The following MTBP variants were observed in gnomAD, a reference collection of about 807,000 sequenced individuals.
The protein encoded by MTBP is MDM2 binding protein.
MTBP carries 101 observed loss-of-function variants against 117.0 expected under a neutral mutation model. The ratio of observed to expected loss-of-function variants is 0.86; its 90% CI spans 0.73 to 1.02. MTBP has a LOEUF of 1.02. Ranked by LOEUF, MTBP falls within the 50% of genes least tolerant of loss-of-function variation. The probability of loss-of-function intolerance (pLI) is 0.00; values close to 1 mark genes in which losing one functional copy is unlikely to be tolerated. For missense variants in MTBP, 970 were observed against 1,030.9 expected, an observed-to-expected ratio of 0.94 and a Z score of 0.81; for synonymous variants, 350 against 351.5, an observed-to-expected ratio of 1.00 and a Z score of 0.05.
At chr8:120,519,419 T>G (rs1814977509) in intron 20 of MTBP, among the ~76,000 whole-genome samples, 2 of 152,088 alleles carry the variant, frequency 1.3e-5, no homozygotes, top group Admixed American at 6.6e-5. Flanking sequence ...TAGTTTCTAA[T>G]TTTGGATCCA....
chr8:120,450,417 C>T (rs1813312756), intron 2 of MTBP, among the ~76,000 whole-genome samples: 1 of 152,130 alleles, frequency 6.6e-6, no homozygotes, highest in Non-Finnish European at 1.5e-5. Flanking sequence ...GCCTCAGTTA[C>T]CTTTCTTCTT....
chr8:120,482,667 A>G (rs1814110939), intron 11 of MTBP, among the ~76,000 whole-genome samples: 1 of 150,776 alleles, frequency 6.6e-6, no homozygotes. Context: ...TGAGTTATAC[A>G]CCTATTCAAC....
chr8:120,464,874 C>G (rs1813655970), intron 10 of MTBP, among the ~76,000 whole-genome samples: 1 of 151,748 alleles, frequency 6.6e-6, no homozygotes, highest in African/African-American at 2.4e-5. Context: ...ATTTCGGGAA[C>G]CCAGTAATGA....
rs751411748 is a variant in MTBP, at chr8:120,445,499, G to C, written c.29G>C (p.Trp10Ser). 1 of 1,613,288 alleles carries C rather than the reference G, an allele frequency of 6.2e-7. No individual in the cohort carries two copies. The highest frequency in any genetic ancestry group is 1.7e-5 in the Admixed American group (1 of 59,942). The change falls in exon 1 of 22, where the codon TGG becomes TCG. Residue 10 changes from tryptophan to serine, a missense_variant. Transcript: ENST00000305949. MDRYLLLVIWGEGKFPSAAS... is the reference protein window; with the variant it reads MDRYLLLVISGEGKFPSAAS... The stretch of plus-strand genomic sequence containing the variant: ...GATCGGTACCTGCTGCTGGTGATCT[G>C]GGGGGAAGGAAAATTCCCGTCGGCG...
intron 10 of MTBP, among the ~76,000 whole-genome samples, chr8:120,468,472 T>C (rs1353593419): frequency 6.6e-6 from 1 of 152,202 alleles, no homozygotes; most frequent in African/African-American, 2.4e-5. Flanking sequence ...TGGAAAGCGT[T>C]TTCTGCATCC....
At chr8:120,519,493 A>G (rs1439059154) in intron 20 of MTBP, among the ~76,000 whole-genome samples, 1 of 152,144 alleles carries the variant, frequency 6.6e-6, no homozygotes, top group Non-Finnish European at 1.5e-5. Flanking sequence ...TCTAAAACTT[A>G]GACAATGTTA....
chr8:120,518,090 AACACACAC>A lies in MTBP; in HGVS notation c.2487_2494del (p.His830AspfsTer8). 6.2e-7 allele frequency: 1 copy of A among 1,612,148 alleles called. No individual in the cohort carries two copies. The highest frequency in any genetic ancestry group is 8.5e-7 in the Non-Finnish European group (1 of 1,178,764). ...CAAATTAAGGAATCAAGATCACAGAAACACACACGGGTAAAGATTTATTTCCCATTTTT... is the reference window on the plus strand; with the variant it reads ...CAAATTAAGGAATCAAGATCACAGAAGGGTAAAGATTTATTTCCCATTTTT... On this transcript the variant is annotated frameshift_variant and splice_region_variant, in exon 19 of 22. Transcript: ENST00000305949. LOFTEE classifies it high-confidence loss of function.
At chr8:120,506,039 G>A (rs1288040715) in intron 15 of MTBP, among the ~76,000 whole-genome samples, 1 of 152,038 alleles carries the variant, frequency 6.6e-6, no homozygotes, top group Non-Finnish European at 1.5e-5. Flanking sequence ...CTTATTTTTA[G>A]TTATTATTTC....
At chr8:120,508,925 G>A (rs574662826) in intron 16 of MTBP, among the ~76,000 whole-genome samples, 1 of 152,278 alleles carries the variant, frequency 6.6e-6, no homozygotes, top group Admixed American at 6.5e-5. Flanking sequence ...TCTAATTGCA[G>A]TGACCCTCTT....
At chr8:120,509,292 A>G (rs925138891) in intron 16 of MTBP, among the ~76,000 whole-genome samples, 8 of 152,204 alleles carry the variant, frequency 5.3e-5, no homozygotes, top group Non-Finnish European at 1.2e-4. Context: ...CTACCAAGGA[A>G]AATCTTCCAG....
chr8:120,452,812 A>G (rs554147041), intron 4 of MTBP: 1 of 146,030 alleles, frequency 6.8e-6, no homozygotes, highest in African/African-American at 2.5e-5. Flanking sequence ...CCTGAGCGAC[A>G]GAGCAACACT....
intron 8 of MTBP, among the ~76,000 whole-genome samples, 173 bp downstream of exon 8, chr8:120,459,522 G>C (rs1013755811): frequency 6.6e-6 from 1 of 152,004 alleles, no homozygotes; most frequent in Non-Finnish European, 1.5e-5. Flanking sequence ...TTAAATTTTG[G>C]TGAAAGTGTC....
intron 9 of MTBP, among the ~76,000 whole-genome samples, chr8:120,461,792 A>C (rs1035635428): frequency 1.3e-5 from 2 of 152,194 alleles, no homozygotes; most frequent in African/African-American, 4.8e-5. Flanking sequence ...CCAGGAATAC[A>C]TCTCCATGAC....
chr8:120,479,768 G>A (rs1814033065), intron 11 of MTBP, among the ~76,000 whole-genome samples: 2 of 151,984 alleles, frequency 1.3e-5, no homozygotes, highest in African/African-American at 4.8e-5. Flanking sequence ...AATCAAAAAG[G>A]AAATTACAAA....
At position 120,516,022 on chromosome 8, in the gene MTBP, A is replaced by G. The variant is rs146676418; in HGVS notation, c.2077A>G (p.Arg693Gly). The change falls in exon 18 of 22, where the codon AGA (arginine) becomes GGA (glycine). Residue 693 changes from arginine (R) to glycine (G), a missense_variant. By Grantham distance (125) the Arg-to-Gly change is moderately radical. Coordinates refer to ENST00000305949, the MANE Select transcript of MTBP (RefSeq NM_022045.5). ...IRYETQTTCT[R>G]ESFPVPTVLS... ...TTATGAAACTCAAACTACCTGCACC[A>G]GAGAAAGTTTTCCAGTACCTACTGT... The G allele has an allele frequency of 1.1e-5, 17 of 1,612,934 alleles. No individual in the cohort carries two copies. The African/African-American group carries it at 2.3e-4, about 22-fold the overall frequency.
At chr8:120,500,083 T>G (rs986883280) in intron 14 of MTBP, among the ~76,000 whole-genome samples, 2 of 152,204 alleles carry the variant, frequency 1.3e-5, no homozygotes, top group Non-Finnish European at 2.9e-5. Context: ...TAATGTCATC[T>G]CTTTTTGTTT....
chr8:120,461,993 C>T (rs374824158), intron 9 of MTBP, among the ~76,000 whole-genome samples: 3 of 152,082 alleles, frequency 2.0e-5, no homozygotes, highest in East Asian at 3.9e-4. Context: ...TGTAGGAGAA[C>T]GTTACCCAGC....
intron 5 of MTBP, 45 bp downstream of exon 5, chr8:120,453,950 TA>T: frequency 9.1e-7 from 1 of 1,094,050 alleles, no homozygotes; most frequent in Non-Finnish European, 1.3e-6. Flanking sequence ...CTTATCTTAT[TA>T]CACTTTATGA....
intron 20 of MTBP, among the ~76,000 whole-genome samples, chr8:120,520,330 G>A (rs1194564427): frequency 1.3e-5 from 2 of 151,980 alleles, no homozygotes; most frequent in African/African-American, 2.4e-5. Context: ...TAAATAGAAA[G>A]GCTGAACAGT....
Sources: allele counts gnomAD v4.1 joint callset (sites outside exome capture counted in the v4.1 genomes callset), GRCh38; gene constraint gnomAD v4.1.1; transcripts MANE v1.5; gene names NCBI Gene and HGNC (gene_info 2026-07-23, HGNC 2026-07-21).